SYNE2: variants seen among roughly 807,000 people sequenced by gnomAD.
SYNE2 encodes spectrin repeat containing nuclear envelope protein 2.
Under a neutral mutation model 856.3 loss-of-function variants are expected in SYNE2, and 431 were observed. The observed-to-expected ratio is 0.50, with a 90% CI of 0.47 to 0.55. SYNE2 has a LOEUF of 0.55. Ranked by LOEUF, SYNE2 falls within the 20% of genes least tolerant of loss-of-function variation. The pLI is 0.00. For synonymous variants in SYNE2, 2,923 were observed against 2,872.3 expected (o/e 1.02, Z -0.56); for missense variants, 8,129 against 8,023.2 (o/e 1.01, Z -0.50).
chr14:64,083,352 CAA>C (rs2097537880), intron 57 of SYNE2, among the ~76,000 whole-genome samples: 1 of 149,326 alleles, frequency 6.7e-6, no homozygotes, highest in Non-Finnish European at 1.5e-5. Flanking sequence ...TTTACCAAGA[CAA>C]GAGAGAGGAA....
At chr14:63,980,961 C>CT (rs761283510) in intron 15 of SYNE2, 25 bp from the exon 16 acceptor site, 1 of 1,483,274 alleles carries the variant, frequency 6.7e-7, no homozygotes, top group African/African-American at 1.4e-5. Context: ...TCTAAGATTA[C>CT]TTTTTTGTTT....
chr14:64,147,734 G>A (rs2098199916), intron 84 of SYNE2, among the ~76,000 whole-genome samples: 1 of 152,166 alleles, frequency 6.6e-6, no homozygotes, highest in South Asian at 2.1e-4. Context: ...CCACCGCTTT[G>A]CATGAAAGGC....
Position 64,053,560 on chromosome 14 carries a change from G to A in SYNE2, c.9647G>A (p.Arg3216Lys). 6.2e-7 allele frequency: 1 copy of A among 1,614,202 alleles called. No individual in the cohort carries two copies. The highest frequency in any genetic ancestry group is 8.5e-7 in the Non-Finnish European group (1 of 1,180,010). The change falls in exon 48 of 116, where the codon AGA (arginine) becomes AAA (lysine). Residue 3216 changes from arginine to lysine, a missense_variant. Transcript: ENST00000555002. Reference sequence around the variant, plus strand: ...GCTGTGACTGCTATTGAGAAACAAAGAGAAGAAAACTCTTCTGAAGCGAGT... The same window carrying A: ...GCTGTGACTGCTATTGAGAAACAAAAAGAAGAAAACTCTTCTGAAGCGAGT... ...IKAVTAIEKQ[R>K]EENSSEASDV...
rs1437656705 is a variant in SYNE2 at position 64,076,899 on chromosome 14, CTT to C, written c.11022+800_11022+801del. Among the ~76,000 whole-genome samples, 7 of 152,144 alleles carry C rather than the reference CTT, an allele frequency of 4.6e-5. No homozygotes were observed. The South Asian group carries it at 1.0e-3, about 23-fold the overall frequency. On this transcript the variant is annotated intron_variant, in intron 54 of 115. Coordinates refer to ENST00000555002, the MANE Select transcript of SYNE2 (RefSeq NM_182914.3). ...CTCACATGTAAAAAACATGTAAACTCTTAACGTATATTTATAACAAATCTTTT... is the reference window on the plus strand; with the variant it reads ...CTCACATGTAAAAAACATGTAAACTCAACGTATATTTATAACAAATCTTTT...
chr14:63,809,224 T>TA (rs879683923), intron 1 of SYNE2, among the ~76,000 whole-genome samples: 44 of 146,154 alleles, frequency 3.0e-4, no homozygotes, highest in Admixed American at 6.2e-4. Flanking sequence ...GTTCTACGTT[T>TA]AAAAAAAAAA....
At chr14:64,155,956 G>A (rs545488632) in intron 85 of SYNE2, among the ~76,000 whole-genome samples, 14 of 152,162 alleles carry the variant, frequency 9.2e-5, no homozygotes, top group South Asian at 2.1e-4. Flanking sequence ...CTGTATCTTC[G>A]GTCAGGTTAC....
In SYNE2 at chr14:64,113,349, A is replaced by C. The variant is rs766785640; in HGVS notation, c.12618A>C (p.Thr4206=). The C allele has an allele frequency of 1.2e-5, 19 of 1,613,512 alleles. No individual in the cohort carries two copies. Among genetic ancestry groups the C allele is most frequent in the Non-Finnish European group, 1.6e-5 (19 of 1,180,014 alleles). ...LRPNQTEEGT[T]PPIEADTLDS... The stretch of plus-strand genomic sequence containing the variant: ...CTTTGGATTTCTCTTAGGGCACCAC[A>C]CCTCCTATTGAGGCTGACACTCTGG... Residue 4206 remains threonine (T), a synonymous_variant, in exon 66 of 116, where the codon ACA becomes ACC. Coordinates refer to ENST00000555002, the MANE Select transcript of SYNE2 (RefSeq NM_182914.3).
intron 45 of SYNE2, among the ~76,000 whole-genome samples, chr14:64,033,202 A>G (rs553872737): frequency 3.3e-5 from 5 of 152,258 alleles, no homozygotes; most frequent in African/African-American, 9.6e-5. Context: ...AAAAGGAAAA[A>G]TAACTCAGTG....
chr14:64,007,076 A>C lies in SYNE2; in HGVS notation c.4431A>C (p.Leu1477=). Residue 1477 remains leucine, a synonymous_variant, in exon 31 of 116, where the codon CTA becomes CTC. Transcript: ENST00000555002. Reference sequence around the variant, plus strand: ...CATTAATCAGACTGGATAAGGTTCTAGATGAATATGAAGAAGAGAAGAGAC... The same window carrying C: ...CATTAATCAGACTGGATAAGGTTCTCGATGAATATGAAGAAGAGAAGAGAC... ...KKSLIRLDKV[L]DEYEEEKRHL... 1 of 1,613,770 alleles carries C rather than the reference A, an allele frequency of 6.2e-7. No individual in the cohort carries two copies. Among genetic ancestry groups the C allele is most frequent in the South Asian group, 1.1e-5 (1 of 91,048 alleles).
At chr14:63,970,870 C>T (rs2096465812) in intron 11 of SYNE2, among the ~76,000 whole-genome samples, 1 of 151,652 alleles carries the variant, frequency 6.6e-6, no homozygotes, top group Non-Finnish European at 1.5e-5. Context: ...CCAGGCTGGT[C>T]TCGAACTCCT....
At chr14:64,119,127 T>A (rs2153663919) in intron 66 of SYNE2, among the ~76,000 whole-genome samples, 1 of 152,316 alleles carries the variant, frequency 6.6e-6, no homozygotes, top group Middle Eastern at 3.4e-3. Flanking sequence ...CCAAGATCTG[T>A]GTTCTTAACC....
At chr14:63,901,608 A>C (rs141744916) in intron 1 of SYNE2, among the ~76,000 whole-genome samples, 2 of 152,234 alleles carry the variant, frequency 1.3e-5, no homozygotes, top group Admixed American at 1.3e-4. Context: ...GGATTATTGC[A>C]TAAGCAAACC....
chr14:64,171,467 A>G (rs1595970548), intron 94 of SYNE2, among the ~76,000 whole-genome samples: 1 of 152,216 alleles, frequency 6.6e-6, no homozygotes, highest in East Asian at 1.9e-4. Context: ...AGACTTACGT[A>G]GATCATTAAA....
In SYNE2 at chr14:64,020,004, G is replaced by A. The variant is rs756215678; in HGVS notation, c.5062G>A (p.Val1688Ile). Reference sequence around the variant, plus strand: ...TTACATGTTTTAGGAAGAATTACAAGTCCATGAACAAAAAACTTCAGAATT... The same window carrying A: ...TTACATGTTTTAGGAAGAATTACAAATCCATGAACAAAAAACTTCAGAATT... ...DRERLKEELQ[V>I]HEQKTSEFSR... The change falls in exon 35 of 116, where the codon GTC (valine) becomes ATC (isoleucine). Residue 1688 changes from valine to isoleucine, a missense_variant. By Grantham distance (29) the Val-to-Ile change is conservative. Around this residue, in one of 3 missense-constraint regions of SYNE2, gnomAD observed 2,422 missense variants for 2,357.4 expected, o/e 1.03. Coordinates refer to ENST00000555002, the MANE Select transcript of SYNE2 (RefSeq NM_182914.3). 1.9e-6 allele frequency: 3 copies of A among 1,610,306 alleles called. No individual in the cohort carries two copies. The highest frequency in any genetic ancestry group is 2.5e-6 in the Non-Finnish European group (3 of 1,176,758).
At chr14:64,116,664 C>T (rs564278675) in intron 66 of SYNE2, among the ~76,000 whole-genome samples, 42 of 152,194 alleles carry the variant, frequency 2.8e-4, no homozygotes, top group Non-Finnish European at 5.7e-4. Flanking sequence ...GATCCACCTG[C>T]CTTGGCCTCC....
intron 65 of SYNE2, among the ~76,000 whole-genome samples, chr14:64,108,154 G>A (rs1228832712): frequency 6.6e-6 from 1 of 152,104 alleles, no homozygotes. Flanking sequence ...TTTGAGACCA[G>A]CCTGACCAAC....
chr14:64,038,717 C>T (rs555710439), intron 45 of SYNE2, among the ~76,000 whole-genome samples: 256 of 152,354 alleles, frequency 1.7e-3, no homozygotes, highest in Admixed American at 5.2e-3. Context: ...GCGGCGGGCG[C>T]CTGCAATCGC....
intron 42 of SYNE2, among the ~76,000 whole-genome samples, 186 bp downstream of exon 42, chr14:64,026,916 T>C (rs2096984780): frequency 6.6e-6 from 1 of 152,268 alleles, no homozygotes; most frequent in Non-Finnish European, 1.5e-5. Context: ...CTGCATGGTA[T>C]CACTGTAGAA....
intron 1 of SYNE2, among the ~76,000 whole-genome samples, chr14:63,803,131 G>A (rs984218578): frequency 9.2e-5 from 14 of 152,224 alleles, no homozygotes; most frequent in African/African-American, 3.1e-4. Context: ...TGATTGGTGC[G>A]TTTACAATCC....
Sources: allele counts gnomAD v4.1 joint callset (sites outside exome capture counted in the v4.1 genomes callset), GRCh38; gene constraint gnomAD v4.1.1; regional missense constraint gnomAD v4.1.1; transcripts MANE v1.5; gene names NCBI Gene and HGNC (gene_info 2026-07-23, HGNC 2026-07-21).